GLB1: variants seen among roughly 807,000 people sequenced by gnomAD.
GLB1 encodes beta-galactosidase.
In GLB1, 56 loss-of-function variants were observed where a neutral mutation model predicts 74.0. That is an observed-to-expected ratio of 0.76 (90% CI 0.61 to 0.94). GLB1 has a LOEUF of 0.94. Ranked by LOEUF, GLB1 falls within the 40% of genes least tolerant of loss-of-function variation. The pLI is 0.00. For missense variants in GLB1, 787 were observed against 845.5 expected, an observed-to-expected ratio of 0.93 and a Z score of 0.86; for synonymous variants, 323 against 323.6, an observed-to-expected ratio of 1.00 and a Z score of 0.02.
chr3:33,026,127 A>ATGGT, intron 10 of GLB1, among the ~76,000 whole-genome samples: 1 of 152,000 alleles, frequency 6.6e-6, no homozygotes, highest in East Asian at 1.9e-4. Flanking sequence ...TGCAGCTACC[A>ATGGT]AGCTGCAGCT....
At chr3:33,094,403 T>A (rs1283232423) in intron 1 of GLB1, 1 of 1,311,506 alleles carries the variant, frequency 7.6e-7, no homozygotes, top group East Asian at 2.7e-5. Flanking sequence ...CCACCTTGAA[T>A]CCAAGCTACT....
chr3:33,066,001 A>C (rs932044574), intron 4 of GLB1, among the ~76,000 whole-genome samples: 1 of 151,336 alleles, frequency 6.6e-6, no homozygotes, highest in Non-Finnish European at 1.5e-5. Context: ...ATGATTTAGT[A>C]CAAAGAGACA....
At chr3:32,979,328 CACTT>C in the GLB1 span, among the ~76,000 whole-genome samples, 4 of 152,090 alleles carry the variant, frequency 2.6e-5, no homozygotes, top group Admixed American at 2.0e-4. Flanking sequence ...TAGGCTAAAA[CACTT>C]ACAGAGGTGA....
intron 10 of GLB1, among the ~76,000 whole-genome samples, chr3:33,026,508 C>A (rs371690619): frequency 6.6e-5 from 10 of 152,172 alleles, no homozygotes; most frequent in South Asian, 6.2e-4. Context: ...TGGAAGGGGG[C>A]GAGTCCCTGG....
chr3:32,963,400 A>C, the GLB1 span, among the ~76,000 whole-genome samples: 2 of 152,230 alleles, frequency 1.3e-5, no homozygotes, highest in Admixed American at 1.3e-4. Context: ...AAAATAACTC[A>C]AAATTCAGAA....
At chr3:33,096,807 G>T in intron 1 of GLB1, 1 of 1,360,522 alleles carries the variant, frequency 7.4e-7, no homozygotes, top group Non-Finnish European at 9.4e-7. Flanking sequence ...GAGCTGCCTG[G>T]AAGGACGCGC....
intron 1 of GLB1, among the ~76,000 whole-genome samples, chr3:33,076,757 G>GA (rs1178863846): frequency 2.0e-5 from 3 of 152,164 alleles, no homozygotes; most frequent in East Asian, 1.9e-4. Context: ...TTTACAGGGA[G>GA]AAAAAATTCA....
At chr3:33,026,961 A>T (rs1381942906) in intron 10 of GLB1, among the ~76,000 whole-genome samples, 1 of 152,198 alleles carries the variant, frequency 6.6e-6, no homozygotes, top group Non-Finnish European at 1.5e-5. Flanking sequence ...ATGTAGGACA[A>T]GAACTCAAGA....
chr3:33,017,258 G>A (rs1451620208), intron 13 of GLB1, among the ~76,000 whole-genome samples: 1 of 152,200 alleles, frequency 6.6e-6, no homozygotes, highest in Non-Finnish European at 1.5e-5. Flanking sequence ...TAAAATCAGA[G>A]AAGTTAGGTG....
chr3:32,992,399 T>C (rs1279840367), downstream of GLB1, among the ~76,000 whole-genome samples: 5 of 152,134 alleles, frequency 3.3e-5, no homozygotes, highest in Non-Finnish European at 7.4e-5. Flanking sequence ...TTCCCTCTTG[T>C]CCCCCAGGTT....
chr3:33,068,149 A>G, intron 4 of GLB1, 81 bp downstream of exon 4: 1 of 1,600,522 alleles, frequency 6.2e-7, no homozygotes, highest in Non-Finnish European at 8.5e-7. Flanking sequence ...AGCCTCCCAA[A>G]GTGTCAGGAT....
At chr3:33,058,415 A>T (rs1234300687) in intron 5 of GLB1, 146 bp from the exon 6 acceptor site, 46 of 1,092,992 alleles carry the variant, frequency 4.2e-5, no homozygotes, top group Non-Finnish European at 5.6e-5. Context: ...CTCAGACCTC[A>T]AAACTGACTA....
chr3:32,967,477 G>A, the GLB1 span, among the ~76,000 whole-genome samples: 3 of 152,196 alleles, frequency 2.0e-5, no homozygotes, highest in Non-Finnish European at 4.4e-5. Flanking sequence ...TGAGGCAGGA[G>A]AGTTGCTTGA....
intron 1 of GLB1, among the ~76,000 whole-genome samples, chr3:33,076,044 CAAA>C (rs71733863): frequency 4.8e-4 from 38 of 79,648 alleles, no homozygotes; most frequent in African/African-American, 1.1e-3. Context: ...GACTCTGTCT[CAAA>C]AAAAAAAAAA....
intron 2 of GLB1, 77 bp downstream of exon 2, chr3:33,072,467 C>A (rs1460386672): frequency 2.1e-5 from 34 of 1,598,092 alleles, no homozygotes; most frequent in Non-Finnish European, 2.9e-5. Flanking sequence ...AAATAGCCAC[C>A]CTGAGAAATA....
Position 33,051,756 on chromosome 3 carries a change from A to T in GLB1, c.955+2T>A. ...TTTCTACAGATATTAAAGTGCTCTTACCATTCCAATAGGCAAAATTGGTCC... is the reference window on the plus strand; with the variant it reads ...TTTCTACAGATATTAAAGTGCTCTTTCCATTCCAATAGGCAAAATTGGTCC... On this transcript the variant is annotated splice_donor_variant, in intron 9 of 15. Transcript: ENST00000307363. LOFTEE classifies it high-confidence loss of function. 6.2e-7 allele frequency: 1 copy of T among 1,614,246 alleles called. No homozygotes were observed. Among genetic ancestry groups the T allele is most frequent in the Non-Finnish European group, 8.5e-7 (1 of 1,180,046 alleles).
chr3:33,070,200 A>T (rs951906233), intron 2 of GLB1, among the ~76,000 whole-genome samples: 1 of 152,122 alleles, frequency 6.6e-6, no homozygotes, highest in Non-Finnish European at 1.5e-5. Context: ...TTATCCAGTT[A>T]AATAAATTTC....
rs533316983 is a variant in GLB1 at position 33,026,984 on chromosome 3, T to G, written c.1069-2659A>C. Among the ~76,000 whole-genome samples the G allele has an allele frequency of 5.9e-5, 9 of 152,344 alleles. No homozygotes were observed. In the East Asian group the frequency reaches 1.7e-3, roughly 29 times the overall value. On this transcript the variant is annotated intron_variant, in intron 10 of 15. Transcript: ENST00000307363. ...CAAGAACTCAAGATCCGCTGAATGG[T>G]GAGGCTAAAAGAGCTGTAACACAAA...
intron 5 of GLB1, among the ~76,000 whole-genome samples, chr3:33,064,515 GC>G (rs1699587772): frequency 6.8e-6 from 1 of 147,948 alleles, no homozygotes; most frequent in African/African-American, 2.5e-5. Context: ...GGTGGCTCAC[GC>G]CTGTAATCCC....
Sources: gnomAD v4.1 joint callset for allele counts (sites outside exome capture counted in the v4.1 genomes callset) on GRCh38, gnomAD v4.1.1 for gene constraint, MANE v1.5 for transcripts, NCBI Gene and HGNC (gene_info 2026-07-23, HGNC 2026-07-21) for gene names.